Variants in FMNL3 observed in about 807,000 individuals in gnomAD.
FMNL3 encodes formin like 3, also known as formin-like protein 3.
FMNL3 carries 57 observed loss-of-function variants against 119.6 expected under a neutral mutation model. The ratio of observed to expected loss-of-function variants is 0.48; its 90% CI spans 0.39 to 0.59. The LOEUF is 0.59. FMNL3 is among the 20% of genes least tolerant of loss of function. The pLI, the probability that FMNL3 is intolerant of heterozygous loss-of-function variation, is 0.00. For synonymous variants in FMNL3, 491 were observed against 507.3 expected, an observed-to-expected ratio of 0.97 and a Z score of 0.43; for missense variants, 1,053 against 1,323.5, an observed-to-expected ratio of 0.80 and a Z score of 3.17.
In FMNL3 at chr12:49,642,595, G is replaced by A. The variant is rs751308406; in HGVS notation, c.*3220C>T. 4 of 1,614,230 alleles carry A rather than the reference G, an allele frequency of 2.5e-6. No individual in the cohort carries two copies. The East Asian group carries it at 6.7e-5, about 27-fold the overall frequency. Reference sequence around the variant, plus strand: ...CTCGTTCAAGGTCCGTGAGCGTTTTGTGTGTGACTCAGCCTTTGAGCAGAT... The same window carrying A: ...CTCGTTCAAGGTCCGTGAGCGTTTTATGTGTGACTCAGCCTTTGAGCAGAT... On this transcript the variant is annotated 3_prime_UTR_variant, in exon 26 of 26. Coordinates refer to ENST00000335154, the MANE Select transcript of FMNL3 (RefSeq NM_175736.5). This position sits in a 1 kb window ranked among gnomAD's most constrained non-coding sequence, Gnocchi z 5.8.
chr12:49,654,233 G>A lies in FMNL3; in HGVS notation c.1030C>T (p.Gln344Ter). The change falls in exon 11 of 26, where the codon CAG (glutamine) becomes TAG (stop). Residue 344 changes from glutamine to a stop codon, truncating the protein, a stop_gained. Coordinates refer to ENST00000335154, the MANE Select transcript of FMNL3 (RefSeq NM_175736.5). LOFTEE classifies it high-confidence loss of function. Reference sequence around the variant, plus strand: ...AGCCCCAGCTTGGTAAACTCATACTGCAGGTGGACCCGGAAGTTCATGTCC... The same window carrying A: ...AGCCCCAGCTTGGTAAACTCATACTACAGGTGGACCCGGAAGTTCATGTCC... ...VEDMNFRVHLQYEFTKLGLEE... is the reference protein window; with the variant it reads ...VEDMNFRVHL 1 of 1,614,158 alleles carries A rather than the reference G, an allele frequency of 6.2e-7. No individual in the cohort carries two copies.
At chr12:49,706,355 G>T (rs527592802) in intron 1 of FMNL3, among the ~76,000 whole-genome samples, 1 of 152,208 alleles carries the variant, frequency 6.6e-6, no homozygotes, top group Non-Finnish European at 1.5e-5. Context: ...CGTGAAAAGG[G>T]GGGGAGGAGG....
chr12:49,697,172 C>A (rs994837004), intron 1 of FMNL3, among the ~76,000 whole-genome samples: 1 of 152,086 alleles, frequency 6.6e-6, no homozygotes, highest in African/African-American at 2.4e-5. Flanking sequence ...AGTAACTGAC[C>A]AGGGGGTGAG....
chr12:49,677,924 A>T (rs1290779308), intron 1 of FMNL3, among the ~76,000 whole-genome samples: 1 of 151,436 alleles, frequency 6.6e-6, no homozygotes, highest in Non-Finnish European at 1.5e-5. Flanking sequence ...GTGCAGTGGC[A>T]CGATCTTGGC....
Position 49,641,300 on chromosome 12 carries a change from C to T in FMNL3, c.*4515G>A, listed in dbSNP as rs529462601. ...TCTGGGTGGGTGTGGTGCTTGAAAG[C>T]AGACACTTTGGGGATAGAGAGCCCC... is the stretch of plus-strand genomic sequence containing the variant. On this transcript the variant is annotated 3_prime_UTR_variant, in exon 26 of 26. Coordinates refer to ENST00000335154, the MANE Select transcript of FMNL3 (RefSeq NM_175736.5). 6.6e-6 allele frequency: 1 copy of T among 152,388 alleles called. No homozygotes were observed. The highest frequency in any genetic ancestry group is 2.1e-4 in the South Asian group (1 of 4,824). The allele number at this position is 152,388 out of a possible 1,614,324, so 9.4% of individuals were successfully genotyped here.
intron 5 of FMNL3, chr12:49,659,770 T>G: frequency 1.0e-6 from 1 of 985,360 alleles, no homozygotes; most frequent in Non-Finnish European, 1.2e-6. Context: ...GATCACAAAC[T>G]CACAGGGACT....
chr12:49,637,935 A>G lies in FMNL3; in HGVS notation c.*7880T>C. The G allele has an allele frequency of 2.4e-6, 2 of 830,470 alleles. No homozygotes were observed. Among genetic ancestry groups the G allele is most frequent in the Non-Finnish European group, 4.0e-6 (2 of 503,878 alleles). 51.4% of individuals were successfully genotyped at this position (830,470 alleles called of 1,614,324 possible). A position where few individuals can be genotyped will look rare whatever the true frequency, so the allele number is the denominator to read the frequency against. ...CAGAAGCATTACAGCTTGGTTCAGC[A>G]GATATCTACTGTGATCCTTTACTGC... On this transcript the variant is annotated 3_prime_UTR_variant, in exon 26 of 26. Coordinates refer to ENST00000335154, the MANE Select transcript of FMNL3 (RefSeq NM_175736.5).
At chr12:49,698,152 T>C (rs1450654095) in intron 1 of FMNL3, among the ~76,000 whole-genome samples, 1 of 152,148 alleles carries the variant, frequency 6.6e-6, no homozygotes, top group Non-Finnish European at 1.5e-5. Flanking sequence ...TATTCTCCAT[T>C]CTGAATTTGA....
chr12:49,679,667 C>T (rs1268360338), intron 1 of FMNL3, among the ~76,000 whole-genome samples: 2 of 151,952 alleles, frequency 1.3e-5, no homozygotes, highest in Non-Finnish European at 2.9e-5. Context: ...GCTAGGACTG[C>T]AGGCACACAC....
chr12:49,647,084 G>A lies in FMNL3; in HGVS notation c.2872-75C>T. 1 of 1,602,902 alleles carries A rather than the reference G, an allele frequency of 6.2e-7. No individual in the cohort carries two copies. Among genetic ancestry groups the A allele is most frequent in the Non-Finnish European group, 8.5e-7 (1 of 1,172,736 alleles). ...GGACTGGTTCCTGCCCCAAGGTGCA[G>A]TCTGAGGATGCCACTGCTTGTGCAC... On this transcript the variant is annotated intron_variant, in intron 24 of 25. Coordinates refer to ENST00000335154, the MANE Select transcript of FMNL3 (RefSeq NM_175736.5). The surrounding 1 kb of genome is among the most constrained non-coding windows in gnomAD (Gnocchi z 4.9).
At chr12:49,663,196 C>T (rs535087470) in intron 4 of FMNL3, among the ~76,000 whole-genome samples, 6 of 152,230 alleles carry the variant, frequency 3.9e-5, no homozygotes, top group Admixed American at 6.5e-5. Context: ...TCCAGCTCCC[C>T]ACCCCCTTCT....
chr12:49,651,871 C>T (rs902257446), intron 14 of FMNL3, 62 bp downstream of exon 14: 20 of 1,481,308 alleles, frequency 1.4e-5, no homozygotes, highest in Non-Finnish European at 1.6e-5. Context: ...ACACTGCTGA[C>T]TACAGTTTTG....
chr12:49,695,739 A>G (rs578063178), intron 1 of FMNL3, among the ~76,000 whole-genome samples: 7 of 152,144 alleles, frequency 4.6e-5, no homozygotes, highest in Admixed American at 3.9e-4. Flanking sequence ...ATTTTTTTTC[A>G]TAAGTCCCCC....
rs1943282523 is a variant in FMNL3, at chr12:49,648,416, A to G, written c.2516-63T>C. The G allele has an allele frequency of 4.6e-6, 7 of 1,532,528 alleles. No homozygotes were observed. In the South Asian group the frequency reaches 8.8e-5, roughly 19 times the overall value. The allele number at this position is 1,532,528 out of a possible 1,614,324, so 94.9% of individuals were successfully genotyped here. A position where few individuals can be genotyped will look rare whatever the true frequency, so the allele number is the denominator to read the frequency against. The stretch of plus-strand genomic sequence containing the variant: ...CTGGCATGCTCACCTCCCAGCCCAG[A>G]GCTATATCAAACTCTGGCCCTCCCC... On this transcript the variant is annotated intron_variant, in intron 21 of 25. Coordinates refer to ENST00000335154, the MANE Select transcript of FMNL3 (RefSeq NM_175736.5).
At chr12:49,706,968 G>A in intron 1 of FMNL3, 87 bp downstream of exon 1, 1 of 1,432,640 alleles carries the variant, frequency 7.0e-7, no homozygotes, top group Non-Finnish European at 9.5e-7. Context: ...AAGGGTGGGC[G>A]GGACGGGGGC....
intron 1 of FMNL3, 101 bp downstream of exon 1, chr12:49,706,954 C>A: frequency 8.8e-6 from 12 of 1,363,298 alleles, no homozygotes; most frequent in Non-Finnish European, 1.2e-5. Flanking sequence ...GGGACCCCGA[C>A]TGAAAGGGTG....
intron 5 of FMNL3, chr12:49,659,965 TAGGA>T: frequency 6.1e-6 from 6 of 985,370 alleles, no homozygotes; most frequent in Non-Finnish European, 7.2e-6. Flanking sequence ...CTTTCTGGAA[TAGGA>T]AGGGATATTT....
Position 49,642,904 on chromosome 12 carries a change from C to CGAG in FMNL3, c.*2910_*2911insCTC. 6.2e-7 allele frequency: 1 copy of CGAG among 1,603,370 alleles called. No homozygotes were observed. The highest frequency in any genetic ancestry group is 8.5e-7 in the Non-Finnish European group (1 of 1,174,132). On this transcript the variant is annotated 3_prime_UTR_variant, in exon 26 of 26. Transcript: ENST00000335154. The surrounding 1 kb of genome is among the most constrained non-coding windows in gnomAD (Gnocchi z 5.8). The stretch of plus-strand genomic sequence containing the variant: ...CTGGGGCTAAGTCTGGTGCTGTCCT[C>CGAG]ACCCTTCTTCCTCTGCCTCTAGCAG...
At position 49,643,256 on chromosome 12, in the gene FMNL3, C is replaced by T. The variant is rs1592624946; in HGVS notation, c.*2559G>A. The T allele has an allele frequency of 1.2e-6, 2 of 1,614,100 alleles. No individual in the cohort carries two copies. Among genetic ancestry groups the T allele is most frequent in the African/African-American group, 1.3e-5 (1 of 75,038 alleles). On this transcript the variant is annotated 3_prime_UTR_variant, in exon 26 of 26. Coordinates refer to ENST00000335154, the MANE Select transcript of FMNL3 (RefSeq NM_175736.5). ...GTCAGAAGAAGAGGAGCTGCCCCCA[C>T]CATCTCTCCGGCCCCCCAAGCGGAG...
Sources: gnomAD v4.1 joint callset for allele counts (sites outside exome capture counted in the v4.1 genomes callset) on GRCh38, gnomAD v4.1.1 for gene constraint, Gnocchi (gnomAD v3.1) non-coding constraint, MANE v1.5 for transcripts, NCBI Gene and HGNC (gene_info 2026-07-23, HGNC 2026-07-21) for gene names.